Variants in ZZEF1 observed in about 807,000 individuals in gnomAD.
ZZEF1 encodes the protein zinc finger ZZ-type and EF-hand domain-containing protein 1.
Under a neutral mutation model 342.8 loss-of-function variants are expected in ZZEF1, and 157 were observed. The ratio of observed to expected loss-of-function variants is 0.46; its 90% CI spans 0.40 to 0.52. ZZEF1 has a LOEUF of 0.52. ZZEF1 is among the 20% of genes least tolerant of loss of function. The pLI, the probability that ZZEF1 is intolerant of heterozygous loss-of-function variation, is 0.00. For missense variants in ZZEF1, 3,480 were observed against 3,725.6 expected (o/e 0.93, Z 1.72); for synonymous variants, 1,505 against 1,429.1 (o/e 1.05, Z -1.20).
At position 4,054,524 on chromosome 17, in the gene ZZEF1, A is replaced by T. The variant is rs184902773; in HGVS notation, c.5296-329T>A. Among the ~76,000 whole-genome samples the T allele has an allele frequency of 2.2e-4, 33 of 152,294 alleles. 1 individual carries two copies. In the East Asian group the frequency reaches 4.1e-3, roughly 19 times the overall value. ...GACCCAAAGGACAAACAGGTACTAG[A>T]CGGGTCGGGGTAAGGGAGGTGGGCA... On this transcript the variant is annotated intron_variant, in intron 33 of 54. Coordinates refer to ENST00000381638, the MANE Select transcript of ZZEF1 (RefSeq NM_015113.4).
intron 39 of ZZEF1, among the ~76,000 whole-genome samples, chr17:4,041,576 G>A (rs568001445): frequency 3.3e-5 from 5 of 152,240 alleles, no homozygotes; most frequent in African/African-American, 1.2e-4. Flanking sequence ...TAGAAAAAGT[G>A]GGAGACTACT....
At chr17:4,132,102 T>C (rs1055395494) in intron 1 of ZZEF1, among the ~76,000 whole-genome samples, 2 of 152,168 alleles carry the variant, frequency 1.3e-5, no homozygotes, top group Non-Finnish European at 2.9e-5. Context: ...AATGAGACAT[T>C]GGGACAGGAC....
chr17:4,075,142 C>T lies in ZZEF1; in HGVS notation c.3438G>A (p.Arg1146=). 6.2e-7 allele frequency: 1 copy of T among 1,614,216 alleles called. No individual in the cohort carries two copies. Among genetic ancestry groups the T allele is most frequent in the Non-Finnish European group, 8.5e-7 (1 of 1,180,042 alleles). Residue 1146 remains arginine, a synonymous_variant, in exon 23 of 55, where the codon CGG becomes CGA. Coordinates refer to ENST00000381638, the MANE Select transcript of ZZEF1 (RefSeq NM_015113.4). The stretch of plus-strand genomic sequence containing the variant: ...CAACTTTTGTGTCATAGCGTGTTTT[C>T]CGACCTCTAGCGTCGGTAAATTCCA... ...DYLEFTDARG[R]KTRYDTKVGT...
chr17:4,068,005 G>C (rs934611173), intron 26 of ZZEF1, among the ~76,000 whole-genome samples: 4 of 152,110 alleles, frequency 2.6e-5, no homozygotes, highest in African/African-American at 9.7e-5. Context: ...TTGAGACCAG[G>C]AATTCAAGGT....
intron 34 of ZZEF1, among the ~76,000 whole-genome samples, chr17:4,053,007 C>G (rs2057083576): frequency 6.6e-6 from 1 of 152,312 alleles, no homozygotes; most frequent in South Asian, 2.1e-4. Context: ...CTGTCATGGA[C>G]CCTAAAGAAT....
Position 4,086,531 on chromosome 17 carries a change from T to C in ZZEF1, c.2467A>G (p.Lys823Glu). ...AGCTCCTTGGCAGCCTCTACTCCTT[T>C]AGGGCTTTGGATTGGAGCCTTTTCC... ...EEEKAPIQSP[K>E]GVEAAKELYT... The change falls in exon 15 of 55, where the codon AAA becomes GAA. Residue 823 changes from lysine to glutamate, a missense_variant. Physicochemically the swap from Lys to Glu is moderately conservative, Grantham distance 56. Coordinates refer to ENST00000381638, the MANE Select transcript of ZZEF1 (RefSeq NM_015113.4). 6.2e-7 allele frequency: 1 copy of C among 1,614,188 alleles called. No individual in the cohort carries two copies. The highest frequency in any genetic ancestry group is 2.2e-5 in the East Asian group (1 of 44,890).
intron 8 of ZZEF1, among the ~76,000 whole-genome samples, chr17:4,103,390 AT>A (rs71383521): frequency 6.6e-6 from 1 of 151,156 alleles, no homozygotes; most frequent in Admixed American, 6.6e-5. Flanking sequence ...AAAAAAAAAA[AT>A]TTTTAACTAG....
intron 14 of ZZEF1, 92 bp from the exon 15 acceptor site, chr17:4,086,747 G>T: frequency 1.5e-6 from 2 of 1,312,984 alleles, no homozygotes; most frequent in East Asian, 2.3e-5. Flanking sequence ...CTTTCCTCTA[G>T]GCATCAGGCT....
chr17:4,074,488 A>C, intron 23 of ZZEF1, 137 bp from the exon 24 acceptor site: 9 of 902,824 alleles, frequency 1.0e-5, no homozygotes. Context: ...ACTAACGGAG[A>C]AATGTACAAA....
rs565202925 is a variant in ZZEF1 at position 4,013,389 on chromosome 17, C to T, written c.8579+60G>A. 14 of 1,448,226 alleles carry T rather than the reference C, an allele frequency of 9.7e-6. No individual in the cohort carries two copies. The South Asian group carries it at 1.6e-4, about 16-fold the overall frequency. 89.7% of individuals were successfully genotyped at this position (1,448,226 alleles called of 1,614,324 possible). ...GTCACCACTAACAGCAAGAAAGGGC[C>T]AGCCACAGAGTGGGGATACATATGC... On this transcript the variant is annotated intron_variant, in intron 52 of 54. Coordinates refer to ENST00000381638, the MANE Select transcript of ZZEF1 (RefSeq NM_015113.4).
chr17:4,014,022 A>G lies in ZZEF1; in HGVS notation c.8413+68T>C. ...GATTTTAACCAAGATCAGTGACATCATGGCACCCACAGCCATGGAGTGTCC... is the reference window on the plus strand; with the variant it reads ...GATTTTAACCAAGATCAGTGACATCGTGGCACCCACAGCCATGGAGTGTCC... On this transcript the variant is annotated intron_variant, in intron 51 of 54. Transcript: ENST00000381638. The surrounding 1 kb of genome is among the most constrained non-coding windows in gnomAD (Gnocchi z 4.4). 4 of 1,447,486 alleles carry G rather than the reference A, an allele frequency of 2.8e-6. No homozygotes were observed. The highest frequency in any genetic ancestry group is 3.9e-6 in the Non-Finnish European group (4 of 1,034,390). 89.7% of individuals were successfully genotyped at this position (1,447,486 alleles called of 1,614,324 possible). A position where few individuals can be genotyped will look rare whatever the true frequency, so the allele number is the denominator to read the frequency against.
Position 4,088,808 on chromosome 17 carries a change from C to T in ZZEF1, c.2111G>A (p.Arg704Gln), listed in dbSNP as rs771418218. The change falls in exon 13 of 55, where the codon CGG (arginine) becomes CAG (glutamine). Residue 704 changes from arginine to glutamine, a missense_variant. Around this residue, in one of 5 missense-constraint regions of ZZEF1, gnomAD observed 1,528 missense variants for 1,624.1 expected, o/e 0.94. Transcript: ENST00000381638. ...CTGTTCTGCTTCTGCTCTTGCAGGC[C>T]GGAGGTACCCACTGATGGTCAAGCC... is the stretch of plus-strand genomic sequence containing the variant. ...VQGLTISGYLRPARAEAEQSV... is the reference protein window; with the variant it reads ...VQGLTISGYLQPARAEAEQSV... The T allele has an allele frequency of 2.5e-6, 4 of 1,614,150 alleles. No individual in the cohort carries two copies. The highest frequency in any genetic ancestry group is 2.2e-5 in the East Asian group (1 of 44,880).
chr17:4,018,249 C>T (rs879557030), intron 46 of ZZEF1, among the ~76,000 whole-genome samples: 1 of 151,962 alleles, frequency 6.6e-6, no homozygotes, highest in Admixed American at 6.5e-5. Flanking sequence ...GTTTTATTTT[C>T]ATTAAAAAAA....
chr17:4,008,659 A>C lies in ZZEF1; in HGVS notation c.8805+224T>G. 1.6e-6 allele frequency: 2 copies of C among 1,244,888 alleles called. No individual in the cohort carries two copies. The highest frequency in any genetic ancestry group is 2.0e-6 in the Non-Finnish European group (2 of 993,156). 77.1% of individuals were successfully genotyped at this position (1,244,888 alleles called of 1,614,324 possible). A position where few individuals can be genotyped will look rare whatever the true frequency, so the allele number is the denominator to read the frequency against. The stretch of plus-strand genomic sequence containing the variant: ...CGGTTGTTTTGGTTTTAAAGACACA[A>C]ATTCTTCTGACCCCACAGTTTAGAG... On this transcript the variant is annotated intron_variant, in intron 54 of 54. Coordinates refer to ENST00000381638, the MANE Select transcript of ZZEF1 (RefSeq NM_015113.4). This position sits in a 1 kb window ranked among gnomAD's most constrained non-coding sequence, Gnocchi z 4.2.
rs1299388125 is a variant in ZZEF1, at chr17:4,034,283, C to A, written c.6316G>T (p.Val2106Phe). The change falls in exon 40 of 55, where the codon GTT becomes TTT. Residue 2106 changes from valine to phenylalanine, a missense_variant. Val to Phe is a conservative substitution (Grantham distance 50). Coordinates refer to ENST00000381638, the MANE Select transcript of ZZEF1 (RefSeq NM_015113.4). The stretch of plus-strand genomic sequence containing the variant: ...ACGTGCTCCAGGTCTATCAGGGGAA[C>A]CGTGGGGCCCTGCCAAGAGAGGGAG... The part of the protein sequence containing the change: ...MLPPLKSGPT[V>F]PLIDLEHVLP... 1 of 1,614,038 alleles carries A rather than the reference C, an allele frequency of 6.2e-7. No homozygotes were observed. The highest frequency in any genetic ancestry group is 1.1e-5 in the South Asian group (1 of 91,084).
rs711177 is a variant in ZZEF1 at position 4,022,816 on chromosome 17, C to G, written c.7105G>C (p.Glu2369Gln). 124,052 of 1,613,386 alleles carry G rather than the reference C, an allele frequency of 0.077. 6,869 individuals are homozygous for G. The highest frequency in any genetic ancestry group is 0.25 in the African/African-American group (18,894 of 74,726). Residue 2369 changes from glutamate (E) to glutamine (Q), a missense_variant, in exon 44 of 55, where the codon GAG becomes CAG. Glu to Gln is a conservative substitution (Grantham distance 29). Coordinates refer to ENST00000381638, the MANE Select transcript of ZZEF1 (RefSeq NM_015113.4). The stretch of plus-strand genomic sequence containing the variant: ...TGAAGGAAAGTAGCACGGATCTCCT[C>G]AAAACCGTGAGCCTGCCAAGCAGAA... Reference protein sequence around the residue: ...LYKTLKAHGFEEIRATFLQTD... With the variant: ...LYKTLKAHGFQEIRATFLQTD...
intron 9 of ZZEF1, among the ~76,000 whole-genome samples, chr17:4,099,548 T>TTC (rs1253526052): frequency 6.6e-6 from 1 of 151,204 alleles, no homozygotes; most frequent in African/African-American, 2.4e-5. Context: ...CTGTGATTTT[T>TTC]TTTTTTTTTT....
intron 46 of ZZEF1, among the ~76,000 whole-genome samples, 164 bp downstream of exon 46, chr17:4,019,505 T>C (rs1048939913): frequency 6.6e-6 from 1 of 152,200 alleles, no homozygotes; most frequent in African/African-American, 2.4e-5. Flanking sequence ...CCAGGTAACG[T>C]AGCACAGGCC....
chr17:4,072,313 T>A (rs2057525379), intron 25 of ZZEF1, among the ~76,000 whole-genome samples: 1 of 152,238 alleles, frequency 6.6e-6, no homozygotes, highest in African/African-American at 2.4e-5. Context: ...CTTGACTCAG[T>A]AGGCACTAGA....
Sources: gnomAD v4.1 joint callset for allele counts (sites outside exome capture counted in the v4.1 genomes callset) on GRCh38, gnomAD v4.1.1 for gene constraint, gnomAD v4.1.1 regional missense constraint, Gnocchi (gnomAD v3.1) non-coding constraint, MANE v1.5 for transcripts, NCBI Gene and HGNC (gene_info 2026-07-23, HGNC 2026-07-21) for gene names.